The following MTTP variants were observed in gnomAD, a reference collection of about 807,000 sequenced individuals.
MTTP encodes the protein microsomal triglyceride transfer protein large subunit.
MTTP carries 49 observed loss-of-function variants against 90.6 expected under a neutral mutation model. The ratio of observed to expected loss-of-function variants is 0.54; its 90% CI spans 0.43 to 0.69. The LOEUF (loss-of-function observed/expected upper bound fraction) is 0.69, where lower values mean the gene tolerates loss of function less well. MTTP is among the 30% of genes least tolerant of loss of function. MTTP has a pLI of 0.00. For synonymous variants in MTTP, 347 were observed against 384.2 expected, an observed-to-expected ratio of 0.90 and a Z score of 1.13; for missense variants, 945 against 1,067.5, an observed-to-expected ratio of 0.89 and a Z score of 1.60.
At chr4:99,607,099 A>G in intron 11 of MTTP, 139 bp downstream of exon 11, 2 of 754,414 alleles carry the variant, frequency 2.7e-6, no homozygotes, top group Non-Finnish European at 4.4e-6. Context: ...AATAACTCTT[A>G]AATTGCATTT....
In MTTP at chr4:99,608,843, T is replaced by A; in HGVS notation, c.1635T>A (p.Ala545=). The A allele has an allele frequency of 6.2e-7, 1 of 1,614,088 alleles. No homozygotes were observed. The highest frequency in any genetic ancestry group is 8.5e-7 in the Non-Finnish European group (1 of 1,179,930). Residue 545 remains alanine, a synonymous_variant, in exon 12 of 18, where the codon GCT becomes GCA. Coordinates refer to ENST00000265517, the MANE Select transcript of MTTP (RefSeq NM_001386140.1). ...AGACTGTGCGCACTGCTGCAGCTGCTATCATTTTAAATAACAATCCATCCT... is the reference window on the plus strand; with the variant it reads ...AGACTGTGCGCACTGCTGCAGCTGCAATCATTTTAAATAACAATCCATCCT... ...HEKTVRTAAA[A]IILNNNPSYM...
intron 11 of MTTP, 27 bp downstream of exon 11, chr4:99,606,987 A>G: frequency 6.4e-7 from 1 of 1,573,128 alleles, no homozygotes; most frequent in Non-Finnish European, 8.7e-7. Flanking sequence ...TATTTGCAAC[A>G]TTTACAGAAG....
chr4:99,568,587 A>G (rs765901029), intron 1 of MTTP, among the ~76,000 whole-genome samples: 5 of 152,180 alleles, frequency 3.3e-5, no homozygotes, highest in Non-Finnish European at 7.4e-5. Context: ...TTTCTAGTAC[A>G]GTTCTTCAAT....
rs757709438 is a variant in MTTP at position 99,622,685 on chromosome 4, A to G, written c.2522A>G (p.Glu841Gly). ...TTGCTGTTGTTGTACAGGCAATTTGAGAAAAAGTACGAAAGGCTGTCCACA... is the reference window on the plus strand; with the variant it reads ...TTGCTGTTGTTGTACAGGCAATTTGGGAAAAAGTACGAAAGGCTGTCCACA... ...DKDEAPFRQF[E>G]KKYERLSTGR... Residue 841 changes from glutamate (E) to glycine (G), a missense_variant, in exon 18 of 18, where the codon GAG becomes GGG. Physicochemically the swap from Glu to Gly is moderately conservative, Grantham distance 98. Transcript: ENST00000265517. The G allele has an allele frequency of 6.2e-7, 1 of 1,613,992 alleles. No individual in the cohort carries two copies. The highest frequency in any genetic ancestry group is 8.5e-7 in the Non-Finnish European group (1 of 1,179,890).
rs114092864 is a variant in MTTP at position 99,584,816 on chromosome 4, C to T, written c.393+1299C>T. Among the ~76,000 whole-genome samples, 417 of 152,178 alleles carry T rather than the reference C, an allele frequency of 2.7e-3. 2 individuals are homozygous for T. The highest frequency in any genetic ancestry group is 4.9e-3 in the Non-Finnish European group (331 of 67,992). ...TGTTGGATAGAAAAAAATCCAATTCCTCTTTGTATTTCAGCCTCTCCCCTT... is the reference window on the plus strand; with the variant it reads ...TGTTGGATAGAAAAAAATCCAATTCTTCTTTGTATTTCAGCCTCTCCCCTT... On this transcript the variant is annotated intron_variant, in intron 3 of 17. Transcript: ENST00000265517.
chr4:99,597,629 T>C (rs914506348), intron 8 of MTTP, among the ~76,000 whole-genome samples: 9 of 152,202 alleles, frequency 5.9e-5, no homozygotes, highest in African/African-American at 2.2e-4. Context: ...CAAAAAGGGT[T>C]TGACTTCTTC....
rs377525819 is a variant in MTTP, at chr4:99,593,422, A to G, written c.759-1311A>G. Among the ~76,000 whole-genome samples, 8 of 152,180 alleles carry G rather than the reference A, an allele frequency of 5.3e-5. No homozygotes were observed. In the East Asian group the frequency reaches 5.8e-4, roughly 11 times the overall value. On this transcript the variant is annotated intron_variant, in intron 6 of 17. Coordinates refer to ENST00000265517, the MANE Select transcript of MTTP (RefSeq NM_001386140.1). The stretch of plus-strand genomic sequence containing the variant: ...AAAATTGTTGTTAAAAAACATAAAA[A>G]GTTCCGTAGTGAAGAGATGTGACAA...
At chr4:99,570,158 T>C (rs1440522041), upstream of MTTP, among the ~76,000 whole-genome samples, 3 of 152,004 alleles carry the variant, frequency 2.0e-5, no homozygotes, top group Admixed American at 6.6e-5. Context: ...TTTTTTCTAA[T>C]TGAAGCAGAT....
At chr4:99,592,456 T>G (rs1725450249) in intron 6 of MTTP, among the ~76,000 whole-genome samples, 1 of 151,912 alleles carries the variant, frequency 6.6e-6, no homozygotes. Context: ...TAAAACACAT[T>G]GTATAGGTGT....
intron 16 of MTTP, 192 bp from the exon 17 acceptor site, chr4:99,620,869 C>T: frequency 1.7e-6 from 1 of 603,036 alleles, no homozygotes; most frequent in Non-Finnish European, 2.9e-6. Flanking sequence ...CCTTCCCTGC[C>T]CAATATCTGA....
At chr4:99,586,515 G>T (rs939371064) in intron 3 of MTTP, among the ~76,000 whole-genome samples, 1 of 152,002 alleles carries the variant, frequency 6.6e-6, no homozygotes, top group African/African-American at 2.4e-5. Context: ...CATGGCTCTT[G>T]TACACACACT....
In MTTP at chr4:99,591,720, G is replaced by C; in HGVS notation, c.688G>C (p.Val230Leu). ...YKIEDSFVIAVLAEETHNFGL... is the reference protein window; with the variant it reads ...YKIEDSFVIALLAEETHNFGL... ...GATAGAAGACAGCTTTGTTATAGCT[G>C]TGCTTGCTGAAGAAACACACAATTT... Residue 230 changes from valine (V) to leucine (L), a missense_variant, in exon 6 of 18, where the codon GTG becomes CTG. Physicochemically the swap from Val to Leu is conservative, Grantham distance 32. Coordinates refer to ENST00000265517, the MANE Select transcript of MTTP (RefSeq NM_001386140.1). 2 of 1,613,062 alleles carry C rather than the reference G, an allele frequency of 1.2e-6. No homozygotes were observed. Among genetic ancestry groups the C allele is most frequent in the African/African-American group, 1.3e-5 (1 of 75,030 alleles).
intron 7 of MTTP, 86 bp downstream of exon 7, chr4:99,594,969 A>T (rs960758071): frequency 3.9e-6 from 6 of 1,520,794 alleles, no homozygotes; most frequent in Admixed American, 1.7e-5. Flanking sequence ...TCATTCAATG[A>T]AGACAGTTTC....
rs376406599 is a variant in MTTP at position 99,619,005 on chromosome 4, A to C, written c.2249A>C (p.Asn750Thr). The C allele has an allele frequency of 3.7e-6, 6 of 1,613,306 alleles. No homozygotes were observed. The African/African-American group carries it at 8.0e-5, about 22-fold the overall frequency. ...CAGTTACAATCTGGACTAAAAGCCA[A>C]TATAGAGGTCCAGGGTGGTCTAGCT... The part of the protein sequence containing the change: ...ELQLQSGLKA[N>T]IEVQGGLAID... The change falls in exon 16 of 18, where the codon AAT becomes ACT. Residue 750 changes from asparagine to threonine, a missense_variant. Transcript: ENST00000265517.
intron 3 of MTTP, among the ~76,000 whole-genome samples, chr4:99,585,615 A>C (rs545481778): frequency 5.3e-5 from 8 of 152,266 alleles, no homozygotes; most frequent in African/African-American, 1.9e-4. Context: ...ATTTGCATTT[A>C]TAATCTTACT....
rs1283807454 is a variant in MTTP at position 99,618,954 on chromosome 4, A to T, written c.2218-20A>T. ...TGTACTTATTATTTTTATAACTATTATTATGCTTTTTTCTTCTAGGAACTT... is the reference window on the plus strand; with the variant it reads ...TGTACTTATTATTTTTATAACTATTTTTATGCTTTTTTCTTCTAGGAACTT... On this transcript the variant is annotated intron_variant, in intron 15 of 17. Coordinates refer to ENST00000265517, the MANE Select transcript of MTTP (RefSeq NM_001386140.1). The T allele has an allele frequency of 6.2e-7, 1 of 1,608,980 alleles. No homozygotes were observed. Among genetic ancestry groups the T allele is most frequent in the Admixed American group, 1.7e-5 (1 of 59,956 alleles).
chr4:99,602,078 A>C (rs548483164), intron 10 of MTTP, among the ~76,000 whole-genome samples: 6 of 152,192 alleles, frequency 3.9e-5, no homozygotes, highest in Non-Finnish European at 7.4e-5. Flanking sequence ...CTCAGTTTTA[A>C]ATGGTGTGTA....
chr4:99,586,770 T>C (rs1432962728), intron 3 of MTTP, among the ~76,000 whole-genome samples: 1 of 152,134 alleles, frequency 6.6e-6, no homozygotes, highest in Non-Finnish European at 1.5e-5. Context: ...GAGAAAGGCA[T>C]CTTCTTCCTA....
intron 7 of MTTP, among the ~76,000 whole-genome samples, chr4:99,596,299 TA>T (rs1725550740): frequency 1.3e-5 from 2 of 152,088 alleles, no homozygotes; most frequent in African/African-American, 4.8e-5. Flanking sequence ...TTCATAAAAC[TA>T]GGGGGGAAAG....
Sources: allele counts gnomAD v4.1 joint callset (sites outside exome capture counted in the v4.1 genomes callset), GRCh38; gene constraint gnomAD v4.1.1; transcripts MANE v1.5; gene names NCBI Gene and HGNC (gene_info 2026-07-23, HGNC 2026-07-21).